PAPOLA: variants seen among roughly 807,000 people sequenced by gnomAD.
The protein encoded by PAPOLA is poly(A) polymerase alpha, also known as polynucleotide adenylyltransferase alpha.
PAPOLA carries 15 observed loss-of-function variants against 100.6 expected under a neutral mutation model. The ratio of observed to expected loss-of-function variants is 0.15; its 90% CI spans 0.10 to 0.23. The LOEUF (loss-of-function observed/expected upper bound fraction) is 0.23. Ranked by LOEUF, PAPOLA falls within the 10% of genes least tolerant of loss-of-function variation. The pLI, the probability that PAPOLA is intolerant of heterozygous loss-of-function variation, is 1.00. For synonymous variants in PAPOLA, 293 were observed against 300.0 expected (o/e 0.98, Z 0.24); for missense variants, 533 against 884.2 (o/e 0.60, Z 5.04).
At chr14:96,548,729 A>G (rs1346681940) in intron 16 of PAPOLA, among the ~76,000 whole-genome samples, 2 of 152,230 alleles carry the variant, frequency 1.3e-5, no homozygotes, top group East Asian at 3.8e-4. Context: ...TTAGGAGAGA[A>G]TATGAAATAA....
At position 96,564,978 on chromosome 14, in the gene PAPOLA, T is replaced by G; in HGVS notation, c.2166T>G (p.Ser722=). ...ASQKTSSTDL[S]DIPALPANPI... ...AGAAAACATCCAGTACAGACCTTTC[T>G]GATATCCCTGCTCTCCCTGCAAATC... Residue 722 remains serine (S), a synonymous_variant, in exon 22 of 22, where the codon TCT becomes TCG. Transcript: ENST00000216277. 6.3e-7 allele frequency: 1 copy of G among 1,588,048 alleles called. No individual in the cohort carries two copies. The highest frequency in any genetic ancestry group is 1.7e-4 in the Middle Eastern group (1 of 6,020).
chr14:96,565,947 A>G lies in PAPOLA; in HGVS notation c.*897A>G, dbSNP rs1258392790. On this transcript the variant is annotated 3_prime_UTR_variant, in exon 22 of 22. Transcript: ENST00000216277. ...GAAACAAAATGCCAGTATTTTCTTAAGCCATGATGTGAAACCAATGACCCT... is the reference window on the plus strand; with the variant it reads ...GAAACAAAATGCCAGTATTTTCTTAGGCCATGATGTGAAACCAATGACCCT... 2.5e-6 allele frequency: 1 copy of G among 398,276 alleles called. No individual in the cohort carries two copies. Among genetic ancestry groups the G allele is most frequent in the Non-Finnish European group, 4.4e-6 (1 of 225,558 alleles). The allele number at this position is 398,276 out of a possible 1,614,324, so 24.7% of individuals were successfully genotyped here. A position where few individuals can be genotyped will look rare whatever the true frequency, so the allele number is the denominator to read the frequency against.
intron 3 of PAPOLA, among the ~76,000 whole-genome samples, chr14:96,521,853 C>G: frequency 6.6e-6 from 1 of 152,044 alleles, no homozygotes; most frequent in East Asian, 1.9e-4. Flanking sequence ...ACTCTGTCAC[C>G]CAGGCTAGAG....
intron 20 of PAPOLA, among the ~76,000 whole-genome samples, chr14:96,561,833 T>G (rs1901869931): frequency 6.6e-6 from 1 of 152,038 alleles, no homozygotes; most frequent in South Asian, 2.1e-4. Flanking sequence ...ATTTCGTTTT[T>G]TTTTTTTTTG....
Position 96,527,421 on chromosome 14 carries a change from T to A in PAPOLA, c.332-9T>A. On this transcript the variant is annotated splice_polypyrimidine_tract_variant and intron_variant, in intron 4 of 21. Coordinates refer to ENST00000216277, the MANE Select transcript of PAPOLA (RefSeq NM_032632.5). Reference sequence around the variant, plus strand: ...TTAATTAGTGGTTGATGGGCTTAATTTTTTTTAGGTGCTGATATTGATGCG... The same window carrying A: ...TTAATTAGTGGTTGATGGGCTTAATATTTTTTAGGTGCTGATATTGATGCG... 6.3e-7 allele frequency: 1 copy of A among 1,583,082 alleles called. No individual in the cohort carries two copies. Among genetic ancestry groups the A allele is most frequent in the Non-Finnish European group, 8.7e-7 (1 of 1,153,664 alleles).
At chr14:96,531,387 G>C in intron 6 of PAPOLA, 88 bp from the exon 7 acceptor site, 1 of 995,560 alleles carries the variant, frequency 1.0e-6, no homozygotes, top group East Asian at 2.6e-5. Context: ...CTCCCAGAGT[G>C]CTGGGATTTT....
At chr14:96,508,813 A>G (rs1245810512) in intron 1 of PAPOLA, among the ~76,000 whole-genome samples, 3 of 152,184 alleles carry the variant, frequency 2.0e-5, no homozygotes, top group African/African-American at 7.2e-5. Context: ...GGACAATGCC[A>G]GTTTATGATT....
In PAPOLA at chr14:96,521,785, T is replaced by G. The variant is rs369760104; in HGVS notation, c.249+713T>G. Among the ~76,000 whole-genome samples the G allele has an allele frequency of 3.0e-3, 454 of 151,942 alleles. 16 individuals carry two copies. The South Asian group carries it at 0.082, about 27-fold the overall frequency. On this transcript the variant is annotated intron_variant, in intron 3 of 21. Transcript: ENST00000216277. ...TGAGCCGCTGCCCGGCCTATTTAGT[T>G]TTCTGTAATAACATTCTTTGGGTTT...
At chr14:96,510,961 C>G (rs1897074850) in intron 1 of PAPOLA, among the ~76,000 whole-genome samples, 1 of 152,142 alleles carries the variant, frequency 6.6e-6, no homozygotes, top group Non-Finnish European at 1.5e-5. Context: ...TCCCTTGTAT[C>G]TTTTCTGTTC....
At chr14:96,515,349 G>C (rs1288395585) in intron 1 of PAPOLA, among the ~76,000 whole-genome samples, 16 of 152,116 alleles carry the variant, frequency 1.1e-4, no homozygotes, top group Admixed American at 1.0e-3. Flanking sequence ...GTGGTTTTGA[G>C]AGGGGGCAGA....
intron 7 of PAPOLA, 88 bp downstream of exon 7, chr14:96,531,674 T>C: frequency 6.5e-7 from 1 of 1,538,186 alleles, no homozygotes; most frequent in South Asian, 1.2e-5. Flanking sequence ...AAGCTTTTTA[T>C]AGCTATATTG....
At chr14:96,513,608 A>AGG (rs1897246506) in intron 1 of PAPOLA, among the ~76,000 whole-genome samples, 2 of 152,188 alleles carry the variant, frequency 1.3e-5, no homozygotes. Context: ...GTGATGAATA[A>AGG]GGGCTCGTTT....
In PAPOLA at chr14:96,537,041, A is replaced by G. The variant is rs753394721; in HGVS notation, c.1096A>G (p.Asn366Asp). Residue 366 changes from asparagine (N) to aspartate (D), a missense_variant, in exon 12 of 22, where the codon AAC (asparagine) becomes GAC (aspartate). This residue lies in a region of PAPOLA where 87 missense variants were observed against 173.3 expected (regional missense o/e 0.50). Coordinates refer to ENST00000216277, the MANE Select transcript of PAPOLA (RefSeq NM_032632.5). ...AEWSKLFEAP[N>D]FFQKYKHYIV... is the part of the protein sequence containing the mutation. Reference sequence around the variant, plus strand: ...GTGGTCCAAACTTTTTGAAGCTCCAAACTTCTTTCAAAAGTACAAGTATGT... The same window carrying G: ...GTGGTCCAAACTTTTTGAAGCTCCAGACTTCTTTCAAAAGTACAAGTATGT... The G allele has an allele frequency of 5.0e-6, 8 of 1,601,374 alleles. No homozygotes were observed. The highest frequency in any genetic ancestry group is 1.6e-4 in the Middle Eastern group (1 of 6,072).
intron 1 of PAPOLA, among the ~76,000 whole-genome samples, chr14:96,513,205 A>T (rs1006214307): frequency 6.6e-6 from 1 of 152,046 alleles, no homozygotes; most frequent in African/African-American, 2.4e-5. Flanking sequence ...CTGGGACTAC[A>T]CTACAGGTGC....
At chr14:96,535,162 AAAGAAATTTAGGTTTGAAT>A in intron 10 of PAPOLA, 3 of 933,738 alleles carry the variant, frequency 3.2e-6, no homozygotes, top group Non-Finnish European at 3.8e-6. Context: ...TAAACTGATA[AAAGAAATTTAGGTTTGAAT>A]AAGATTTCCT....
chr14:96,532,508 C>T lies in PAPOLA; in HGVS notation c.698-3C>T. ...TATCTTTTTGCTTTTCCCTTATCAA[C>T]AGGCCACAACATCTATTCCAATATA... On this transcript the variant is annotated splice_polypyrimidine_tract_variant and splice_region_variant and intron_variant, in intron 8 of 21. Transcript: ENST00000216277. 1 of 1,606,280 alleles carries T rather than the reference C, an allele frequency of 6.2e-7. No homozygotes were observed.
chr14:96,531,043 C>T (rs1458779558), intron 6 of PAPOLA, among the ~76,000 whole-genome samples: 1 of 152,082 alleles, frequency 6.6e-6, no homozygotes, highest in Non-Finnish European at 1.5e-5. Flanking sequence ...TGCTCTGTCA[C>T]CCAGGCTGTA....
At chr14:96,523,754 C>T (rs1313156013) in intron 3 of PAPOLA, among the ~76,000 whole-genome samples, 2 of 152,158 alleles carry the variant, frequency 1.3e-5, no homozygotes, top group African/African-American at 4.8e-5. Flanking sequence ...ACAAGCCTGA[C>T]TAACATGGTG....
chr14:96,556,709 CTTA>C (rs1449049347), intron 19 of PAPOLA, among the ~76,000 whole-genome samples: 1 of 152,182 alleles, frequency 6.6e-6, no homozygotes, highest in Admixed American at 6.5e-5. Flanking sequence ...GTATTCTTAA[CTTA>C]TTATTCTCTA....
Sources: gnomAD v4.1 joint callset for allele counts (sites outside exome capture counted in the v4.1 genomes callset) on GRCh38, gnomAD v4.1.1 for gene constraint, gnomAD v4.1.1 regional missense constraint, MANE v1.5 for transcripts, NCBI Gene and HGNC (gene_info 2026-07-23, HGNC 2026-07-21) for gene names.